RELN: variants seen among roughly 807,000 people sequenced by gnomAD.
RELN encodes reelin.
RELN carries 108 observed loss-of-function variants against 427.6 expected under a neutral mutation model. That is an observed-to-expected ratio of 0.25 (90% CI 0.22 to 0.30). The LOEUF (loss-of-function observed/expected upper bound fraction) is 0.30, where lower values mean the gene tolerates loss of function less well. RELN is among the 10% of genes least tolerant of loss of function. RELN has a pLI of 1.00. For synonymous variants in RELN, 1,524 were observed against 1,513.4 expected, an observed-to-expected ratio of 1.01 and a Z score of -0.16; for missense variants, 3,715 against 4,302.8, an observed-to-expected ratio of 0.86 and a Z score of 3.82.
chr7:103,988,492 G>T lies in RELN; in HGVS notation c.226+639C>A, dbSNP rs1399028707. On this transcript the variant is annotated intron_variant, in intron 1 of 64. Transcript: ENST00000428762. This position sits in a 1 kb window ranked among gnomAD's most constrained non-coding sequence, Gnocchi z 4.9. ...AGAAGCACCATGTAAAAGTAAGGCA[G>T]GAATCAGAAAAATCATCAATTACTG... is the stretch of plus-strand genomic sequence containing the variant. 6.6e-6 allele frequency among the ~76,000 whole-genome samples: 1 copy of T among 152,134 alleles called. No individual in the cohort carries two copies. The highest frequency in any genetic ancestry group is 2.4e-5 in the African/African-American group (1 of 41,426).
At position 103,611,792 on chromosome 7, in the gene RELN, T is replaced by A; in HGVS notation, c.2714A>T (p.Asp905Val). 2 of 1,613,454 alleles carry A rather than the reference T, an allele frequency of 1.2e-6. No homozygotes were observed. Among genetic ancestry groups the A allele is most frequent in the South Asian group, 1.1e-5 (1 of 91,068 alleles). The change falls in exon 21 of 65, where the codon GAT becomes GTT. Residue 905 changes from aspartate (D) to valine (V), a missense_variant. Asp to Val is a radical substitution (Grantham distance 152, BLOSUM62 -3). Coordinates refer to ENST00000428762, the MANE Select transcript of RELN (RefSeq NM_005045.4). ...GHDWTLCFTG[D>V]SKLASSMRYV... ...GCGCATACTTGAGGCAAGTTTAGAA[T>A]CTCCTGTAAAACTGAAAGAGACAGA...
At chr7:103,616,347 T>C (rs1029648526) in intron 20 of RELN, among the ~76,000 whole-genome samples, 1 of 152,154 alleles carries the variant, frequency 6.6e-6, no homozygotes, top group African/African-American at 2.4e-5. Context: ...ATATCATTCT[T>C]TTATTGGTTA....
chr7:103,826,639 A>G (rs1793147837), intron 3 of RELN, among the ~76,000 whole-genome samples: 1 of 152,022 alleles, frequency 6.6e-6, no homozygotes, highest in Non-Finnish European at 1.5e-5. Flanking sequence ...GGCAGTTTGG[A>G]AAAACGAAAT....
At chr7:103,967,007 C>T (rs997928993) in intron 1 of RELN, among the ~76,000 whole-genome samples, 7 of 152,178 alleles carry the variant, frequency 4.6e-5, no homozygotes, top group African/African-American at 1.7e-4. Context: ...GTGTAACTTC[C>T]CTGTGACCTT....
chr7:103,624,802 T>C (rs2117321633), intron 20 of RELN, among the ~76,000 whole-genome samples: 1 of 152,302 alleles, frequency 6.6e-6, no homozygotes, highest in South Asian at 2.1e-4. Flanking sequence ...TTCACTACTT[T>C]AGGAAATTTC....
chr7:103,906,967 ACACAGCCCTAATTC>A (rs1390919015), intron 2 of RELN, among the ~76,000 whole-genome samples: 4 of 152,112 alleles, frequency 2.6e-5, no homozygotes, highest in South Asian at 2.1e-4. Flanking sequence ...TTTCCTATTT[ACACAGCCCTAATTC>A]CTTTTAAGAA....
intron 8 of RELN, among the ~76,000 whole-genome samples, chr7:103,705,364 C>T (rs111594994): frequency 6.6e-6 from 1 of 151,992 alleles, no homozygotes. Flanking sequence ...ACAAAAAAAC[C>T]TAAAACACTT....
At position 103,545,254 on chromosome 7, in the gene RELN, C is replaced by T. The variant is rs1286198088; in HGVS notation, c.6393G>A (p.Gln2131=). Reference sequence around the variant, plus strand: ...CCTGTCCATTACACATCTCCTCACACTGGGGACCGATGTAGACATTATCAA... The same window carrying T: ...CCTGTCCATTACACATCTCCTCACATTGGGGACCGATGTAGACATTATCAA... ...WAIDNVYIGP[Q]CEEMCNGQGS... is the part of the protein sequence containing the mutation. Residue 2131 remains glutamine, a synonymous_variant, in exon 42 of 65, where the codon CAG becomes CAA. Transcript: ENST00000428762. 18 of 1,613,898 alleles carry T rather than the reference C, an allele frequency of 1.1e-5. No homozygotes were observed. Among genetic ancestry groups the T allele is most frequent in the Non-Finnish European group, 1.4e-5 (17 of 1,179,886 alleles).
intron 11 of RELN, among the ~76,000 whole-genome samples, chr7:103,667,456 A>T (rs2115598991): frequency 6.6e-6 from 1 of 152,318 alleles, no homozygotes; most frequent in Admixed American, 6.5e-5. Context: ...ATAAAAAGCA[A>T]TTTTATAAAT....
chr7:103,550,559 C>A (rs1423457187), intron 41 of RELN, among the ~76,000 whole-genome samples: 1 of 149,428 alleles, frequency 6.7e-6, no homozygotes, highest in Non-Finnish European at 1.5e-5. Context: ...ATAAATGTAA[C>A]AAGAATGCTG....
chr7:103,589,213 A>T (rs2117238481), intron 28 of RELN, among the ~76,000 whole-genome samples: 1 of 152,320 alleles, frequency 6.6e-6, no homozygotes, highest in South Asian at 2.1e-4. Context: ...AGTATTTCAG[A>T]TGGCCACATT....
At chr7:103,909,574 TC>T (rs1390124075) in intron 2 of RELN, among the ~76,000 whole-genome samples, 6 of 141,252 alleles carry the variant, frequency 4.2e-5, no homozygotes, top group African/African-American at 1.6e-4. Context: ...GCCACTGCAC[TC>T]CAGCCTGGGT....
At chr7:103,621,906 C>T (rs1032294433) in intron 20 of RELN, among the ~76,000 whole-genome samples, 1 of 152,130 alleles carries the variant, frequency 6.6e-6, no homozygotes, top group Non-Finnish European at 1.5e-5. Context: ...ATTCCAGCTA[C>T]TCAGGTGGCT....
At chr7:103,489,610 G>T in intron 60 of RELN, 132 bp downstream of exon 60, 2 of 1,012,502 alleles carry the variant, frequency 2.0e-6, no homozygotes, top group Non-Finnish European at 3.0e-6. Context: ...GAGTGACCAA[G>T]GAGTGTGTCA....
At chr7:103,900,412 C>T (rs1306326541) in intron 2 of RELN, among the ~76,000 whole-genome samples, 1 of 152,082 alleles carries the variant, frequency 6.6e-6, no homozygotes, top group Non-Finnish European at 1.5e-5. Context: ...CAACAAGCTA[C>T]CACTGACTTT....
intron 31 of RELN, among the ~76,000 whole-genome samples, chr7:103,567,544 G>A (rs1331243267): frequency 6.6e-6 from 1 of 152,132 alleles, no homozygotes; most frequent in Non-Finnish European, 1.5e-5. Context: ...ATACATATGT[G>A]TGTGTGTATA....
intron 4 of RELN, among the ~76,000 whole-genome samples, chr7:103,761,419 C>CA (rs1791295412): frequency 6.6e-6 from 1 of 152,076 alleles, no homozygotes; most frequent in Non-Finnish European, 1.5e-5. Flanking sequence ...GAATGCAAAA[C>CA]AATATCATTT....
intron 12 of RELN, among the ~76,000 whole-genome samples, chr7:103,659,753 AG>A (rs1833098153): frequency 6.6e-6 from 1 of 152,196 alleles, no homozygotes; most frequent in East Asian, 1.9e-4. Context: ...CAATAACAAC[AG>A]AGATATACTG....
At chr7:103,835,952 C>CG (rs1474123778) in intron 2 of RELN, among the ~76,000 whole-genome samples, 11 of 117,962 alleles carry the variant, frequency 9.3e-5, no homozygotes, top group African/African-American at 1.7e-4. Flanking sequence ...CTCTCAATTA[C>CG]CCTTTTTTTT....
Sources: allele counts gnomAD v4.1 joint callset (sites outside exome capture counted in the v4.1 genomes callset), GRCh38; gene constraint gnomAD v4.1.1; non-coding constraint Gnocchi (gnomAD v3.1); transcripts MANE v1.5; gene names NCBI Gene and HGNC (gene_info 2026-07-23, HGNC 2026-07-21).